Variants in EFCAB6 observed in about 807,000 individuals in gnomAD.
EFCAB6 encodes the protein EF-hand calcium binding domain 6, also known as EF-hand calcium-binding domain-containing protein 6.
In EFCAB6, 156 loss-of-function variants were observed where a neutral mutation model predicts 169.8. The ratio of observed to expected loss-of-function variants is 0.92; its 90% CI spans 0.81 to 1.05. The LOEUF (loss-of-function observed/expected upper bound fraction) is 1.05. Among genes scored for constraint, EFCAB6 ranks in the 50% least tolerant of loss-of-function variants. The probability of loss-of-function intolerance (pLI) is 0.00; values close to 1 mark genes in which losing one functional copy is unlikely to be tolerated. For synonymous variants in EFCAB6, 698 were observed against 676.4 expected, an observed-to-expected ratio of 1.03 and a Z score of -0.50; for missense variants, 1,800 against 1,829.1, an observed-to-expected ratio of 0.98 and a Z score of 0.29.
chr22:43,547,924 T>C (rs2048155684), intron 27 of EFCAB6, among the ~76,000 whole-genome samples: 1 of 151,986 alleles, frequency 6.6e-6, no homozygotes, highest in Admixed American at 6.6e-5. Flanking sequence ...ACCCCGTCTC[T>C]AGTAAAAATA....
intron 23 of EFCAB6, among the ~76,000 whole-genome samples, chr22:43,590,551 T>C (rs371032587): frequency 9.2e-5 from 14 of 152,272 alleles, no homozygotes; most frequent in Admixed American, 7.2e-4. Context: ...CATATAGACA[T>C]GTGAAATACA....
intron 17 of EFCAB6, among the ~76,000 whole-genome samples, chr22:43,666,576 C>T (rs1255179559): frequency 6.6e-6 from 1 of 152,028 alleles, no homozygotes; most frequent in Non-Finnish European, 1.5e-5. Context: ...TAAATTAATT[C>T]CTGAGAAGTC....
rs1025158288 is a variant in EFCAB6, at chr22:43,808,327, G to C, written c.-8+668C>G. On this transcript the variant is annotated intron_variant, in intron 2 of 31. Transcript: ENST00000262726. Reference sequence around the variant, plus strand: ...GGTATCTTCGAGTGGGTGCTGAAACGAATCTCCCACAGATACTGAGGGACC... The same window carrying C: ...GGTATCTTCGAGTGGGTGCTGAAACCAATCTCCCACAGATACTGAGGGACC... Among the ~76,000 whole-genome samples the C allele has an allele frequency of 3.3e-5, 5 of 152,186 alleles. No individual in the cohort carries two copies. In the East Asian group the frequency reaches 9.6e-4, roughly 29 times the overall value.
chr22:43,682,254 C>T (rs1049581314), intron 12 of EFCAB6, among the ~76,000 whole-genome samples: 3 of 152,126 alleles, frequency 2.0e-5, no homozygotes, highest in African/African-American at 7.2e-5. Context: ...GTGAGCTTAT[C>T]GGCAAGGACT....
chr22:43,551,354 A>G (rs534562564), intron 27 of EFCAB6, among the ~76,000 whole-genome samples: 4 of 152,290 alleles, frequency 2.6e-5, no homozygotes, highest in South Asian at 2.1e-4. Context: ...TCATCCCCCA[A>G]TGTATTACAC....
intron 6 of EFCAB6, among the ~76,000 whole-genome samples, chr22:43,747,758 C>T (rs73174361): frequency 0.01 from 1,534 of 152,234 alleles, 8 homozygotes; most frequent in Non-Finnish European, 0.016. Context: ...AAGTCTTACC[C>T]TTCCTCTAAG....
intron 26 of EFCAB6, among the ~76,000 whole-genome samples, chr22:43,565,992 C>T (rs1241429138): frequency 7.0e-6 from 1 of 142,686 alleles, no homozygotes; most frequent in Admixed American, 7.3e-5. Context: ...AAAATAACAA[C>T]AGCAGGAAAA....
chr22:43,783,017 C>T (rs1008840387), intron 2 of EFCAB6, among the ~76,000 whole-genome samples: 2 of 152,168 alleles, frequency 1.3e-5, no homozygotes. Context: ...AGCAGGCTGA[C>T]AGTCACTGGA....
intron 8 of EFCAB6, among the ~76,000 whole-genome samples, chr22:43,717,659 T>C (rs566082326): frequency 6.6e-6 from 1 of 152,288 alleles, no homozygotes; most frequent in African/African-American, 2.4e-5. Flanking sequence ...ACTGGTCAAA[T>C]AGGCAAGGAG....
intron 3 of EFCAB6, among the ~76,000 whole-genome samples, chr22:43,780,899 C>G (rs180858651): frequency 2.0e-4 from 31 of 152,276 alleles, no homozygotes; most frequent in Middle Eastern, 3.4e-3. Context: ...TTTCATAAAC[C>G]CAGCTTCTTC....
chr22:43,717,058 G>A, intron 8 of EFCAB6, 86 bp from the exon 9 acceptor site: 3 of 1,362,890 alleles, frequency 2.2e-6, no homozygotes, highest in South Asian at 2.2e-5. Flanking sequence ...TTACTTGTTT[G>A]GTAAAAAAGG....
intron 10 of EFCAB6, among the ~76,000 whole-genome samples, chr22:43,704,820 C>A (rs909101363): frequency 6.7e-6 from 1 of 149,722 alleles, no homozygotes; most frequent in African/African-American, 2.4e-5. Flanking sequence ...AAGGAAGATA[C>A]CAAGAGAGGA....
intron 20 of EFCAB6, among the ~76,000 whole-genome samples, chr22:43,621,774 A>C (rs926764858): frequency 1.3e-5 from 2 of 152,214 alleles, no homozygotes; most frequent in Non-Finnish European, 2.9e-5. Context: ...AAGATCTGTG[A>C]AAGTGGGAAG....
At chr22:43,601,845 T>A (rs561257714) in intron 22 of EFCAB6, among the ~76,000 whole-genome samples, 75 of 152,204 alleles carry the variant, frequency 4.9e-4, no homozygotes, top group Non-Finnish European at 9.6e-4. Context: ...TCCCCACAGG[T>A]GCCCCTGAGG....
chr22:43,596,148 C>T (rs1310520780), intron 23 of EFCAB6, among the ~76,000 whole-genome samples: 1 of 151,902 alleles, frequency 6.6e-6, no homozygotes, highest in African/African-American at 2.4e-5. Flanking sequence ...TGATACTAAC[C>T]AGGGAAAAGT....
chr22:43,765,530 T>C (rs147161535), intron 4 of EFCAB6, 137 bp from the exon 5 acceptor site: 1 of 582,330 alleles, frequency 1.7e-6, no homozygotes, highest in African/African-American at 1.8e-5. Context: ...CCATTAAACA[T>C]TTAAATACAA....
Position 43,597,196 on chromosome 22 carries a change from T to C in EFCAB6, c.2876+2873A>G, listed in dbSNP as rs572862418. ...GCTACAGGACATTGGTCAGGGCAAATATTTTTTGGATAAGACCTCAAAAGC... is the reference window on the plus strand; with the variant it reads ...GCTACAGGACATTGGTCAGGGCAAACATTTTTTGGATAAGACCTCAAAAGC... On this transcript the variant is annotated intron_variant, in intron 23 of 31. Coordinates refer to ENST00000262726, the MANE Select transcript of EFCAB6 (RefSeq NM_022785.4). Among the ~76,000 whole-genome samples the C allele has an allele frequency of 3.2e-4, 49 of 152,230 alleles. 1 individual carries two copies. In the South Asian group the frequency reaches 0.01, roughly 32 times the overall value.
chr22:43,734,653 T>C (rs2060068593), intron 7 of EFCAB6, among the ~76,000 whole-genome samples: 1 of 152,204 alleles, frequency 6.6e-6, no homozygotes, highest in South Asian at 2.1e-4. Flanking sequence ...TGGATCTTAT[T>C]CTGGACACTT....
At chr22:43,683,412 C>A (rs1171848915) in intron 12 of EFCAB6, among the ~76,000 whole-genome samples, 1 of 152,158 alleles carries the variant, frequency 6.6e-6, no homozygotes, top group Non-Finnish European at 1.5e-5. Context: ...GGAAGGGTCA[C>A]CAGGTCTGGG....
Sources: gnomAD v4.1 joint callset for allele counts (sites outside exome capture counted in the v4.1 genomes callset) on GRCh38, gnomAD v4.1.1 for gene constraint, MANE v1.5 for transcripts, NCBI Gene and HGNC (gene_info 2026-07-23, HGNC 2026-07-21) for gene names.